Variants in PEPD observed in about 807,000 individuals in gnomAD.
The protein encoded by PEPD is peptidase D.
A neutral mutation model predicts 60.7 loss-of-function variants in PEPD; 53 were observed. The ratio of observed to expected loss-of-function variants is 0.87; its 90% CI spans 0.70 to 1.10. The LOEUF (loss-of-function observed/expected upper bound fraction) is 1.10, where lower values mean the gene tolerates loss of function less well. PEPD is among the 50% of genes least tolerant of loss of function. PEPD has a pLI of 0.00. For synonymous variants in PEPD, 267 were observed against 284.1 expected, an observed-to-expected ratio of 0.94 and a Z score of 0.60; for missense variants, 711 against 711.9, an observed-to-expected ratio of 1.00 and a Z score of 0.01.
chr19:33,455,078 A>G (rs534916389), intron 9 of PEPD, among the ~76,000 whole-genome samples: 1 of 152,334 alleles, frequency 6.6e-6, no homozygotes, highest in East Asian at 1.9e-4. Flanking sequence ...ATGGAACGTG[A>G]TATGGTCTCC....
intron 13 of PEPD, among the ~76,000 whole-genome samples, chr19:33,389,755 G>C (rs555480851): frequency 2.6e-5 from 4 of 152,384 alleles, no homozygotes; most frequent in Non-Finnish European, 5.9e-5. Context: ...CACCACTGAA[G>C]TGGGGTGGGG....
Position 33,387,254 on chromosome 19 carries a change from T to C in PEPD, c.*90A>G. On this transcript the variant is annotated 3_prime_UTR_variant, in exon 15 of 15. Transcript: ENST00000244137. ...GGGATCTGATTCTGGGTGCCGTCTC[T>C]CGCTACTGGAGTGCTGACCAGCAGG... 6.7e-7 allele frequency: 1 copy of C among 1,487,970 alleles called. No individual in the cohort carries two copies. The highest frequency in any genetic ancestry group is 9.3e-7 in the Non-Finnish European group (1 of 1,076,612). The allele number at this position is 1,487,970 out of a possible 1,614,324, so 92.2% of individuals were successfully genotyped here.
intron 1 of PEPD, 24 bp from the exon 2 acceptor site, chr19:33,512,800 G>A (rs570974319): frequency 7.5e-5 from 121 of 1,612,512 alleles, no homozygotes; most frequent in Non-Finnish European, 8.8e-5. Context: ...AGCACACACC[G>A]CCACACAGGC....
chr19:33,503,902 T>C (rs1366852953), intron 3 of PEPD, among the ~76,000 whole-genome samples: 1 of 152,056 alleles, frequency 6.6e-6, no homozygotes, highest in East Asian at 1.9e-4. Flanking sequence ...CCTTGTCACT[T>C]CCACTCCCGT....
chr19:33,462,325 C>G (rs1315846078), intron 9 of PEPD, among the ~76,000 whole-genome samples: 1 of 148,910 alleles, frequency 6.7e-6, no homozygotes, highest in African/African-American at 2.4e-5. Context: ...GGTACCAACA[C>G]TGGTGGGAGG....
chr19:33,457,336 C>T (rs534689594), intron 9 of PEPD, among the ~76,000 whole-genome samples: 4 of 152,118 alleles, frequency 2.6e-5, no homozygotes, highest in East Asian at 1.9e-4. Context: ...GGGGCTGAGG[C>T]GGGAGGATCA....
chr19:33,471,957 T>C (rs1261311705), intron 7 of PEPD, among the ~76,000 whole-genome samples: 1 of 151,780 alleles, frequency 6.6e-6, no homozygotes, highest in Non-Finnish European at 1.5e-5. Context: ...AGGTCGGAAG[T>C]TCAAGACCAG....
chr19:33,442,568 G>C (rs1301780761), intron 9 of PEPD, among the ~76,000 whole-genome samples: 4 of 151,008 alleles, frequency 2.6e-5, no homozygotes, highest in Non-Finnish European at 5.9e-5. Context: ...AATTAGCCGG[G>C]CGTGGTGGCA....
At chr19:33,469,419 C>T (rs573012504) in intron 7 of PEPD, among the ~76,000 whole-genome samples, 37 of 152,284 alleles carry the variant, frequency 2.4e-4, no homozygotes, top group Non-Finnish European at 5.1e-4. Flanking sequence ...CCGCACCTTC[C>T]GAAGATATCT....
chr19:33,455,678 A>ATTTTTT (rs34754945), intron 9 of PEPD, among the ~76,000 whole-genome samples: 1 of 134,620 alleles, frequency 7.4e-6, no homozygotes. Context: ...AATTAAAAAC[A>ATTTTTT]TTTTTTTTTT....
intron 1 of PEPD, 131 bp downstream of exon 1, chr19:33,521,613 G>A (rs1390304749): frequency 2.0e-6 from 2 of 1,024,236 alleles, no homozygotes; most frequent in Non-Finnish European, 2.9e-6. Context: ...CTGGGACTCC[G>A]GGCCAACGGG....
At chr19:33,401,291 C>T (rs1024340658) in intron 12 of PEPD, among the ~76,000 whole-genome samples, 4 of 152,358 alleles carry the variant, frequency 2.6e-5, no homozygotes, top group South Asian at 4.1e-4. Context: ...GATGTGGAAA[C>T]GGCCACCCAG....
chr19:33,412,464 G>A (rs1052343330), intron 10 of PEPD, among the ~76,000 whole-genome samples: 4 of 152,192 alleles, frequency 2.6e-5, no homozygotes, highest in South Asian at 2.1e-4. Flanking sequence ...AAAGGGCCCC[G>A]GCTGTCCTGG....
intron 1 of PEPD, among the ~76,000 whole-genome samples, chr19:33,517,942 G>A (rs1183141030): frequency 3.4e-5 from 5 of 148,380 alleles, no homozygotes; most frequent in Non-Finnish European, 7.4e-5. Flanking sequence ...ACTCCAGTGT[G>A]AGACTCCCTC....
intron 5 of PEPD, among the ~76,000 whole-genome samples, chr19:33,490,711 T>C (rs1296730977): frequency 2.0e-5 from 3 of 152,206 alleles, no homozygotes; most frequent in Non-Finnish European, 4.4e-5. Context: ...TCACCCAGGC[T>C]GGAGTGTGGT....
chr19:33,447,716 C>A (rs1292366316), intron 9 of PEPD, among the ~76,000 whole-genome samples: 3 of 152,178 alleles, frequency 2.0e-5, no homozygotes, highest in African/African-American at 7.2e-5. Context: ...TCAGCCACCC[C>A]CAAGATGCTT....
chr19:33,496,454 G>A (rs1568502094), intron 4 of PEPD, among the ~76,000 whole-genome samples: 1 of 152,134 alleles, frequency 6.6e-6, no homozygotes, highest in Non-Finnish European at 1.5e-5. Flanking sequence ...TACTTCTGCG[G>A]CTGCAAAAAC....
At chr19:33,442,434 C>T (rs1969497598) in intron 9 of PEPD, among the ~76,000 whole-genome samples, 1 of 149,126 alleles carries the variant, frequency 6.7e-6, no homozygotes, top group Non-Finnish European at 1.5e-5. Context: ...GGCGCGGTGG[C>T]TCACGCCTAT....
intron 3 of PEPD, among the ~76,000 whole-genome samples, chr19:33,507,072 T>C (rs568124670): frequency 1.3e-5 from 2 of 151,394 alleles, no homozygotes; most frequent in East Asian, 3.9e-4. Context: ...ACATACACCA[T>C]GCATGTGCAA....
Sources: gnomAD v4.1 joint callset for allele counts (sites outside exome capture counted in the v4.1 genomes callset) on GRCh38, gnomAD v4.1.1 for gene constraint, MANE v1.5 for transcripts, NCBI Gene and HGNC (gene_info 2026-07-23, HGNC 2026-07-21) for gene names.